The following HS2ST1 variants were observed in gnomAD, a reference collection of about 807,000 sequenced individuals.
HS2ST1 encodes 2-O-sulfotransferase.
HS2ST1 carries 18 observed loss-of-function variants against 42.9 expected under a neutral mutation model. That is an observed-to-expected ratio of 0.42 (90% CI 0.29 to 0.62). HS2ST1 has a LOEUF of 0.62. Among genes scored for constraint, HS2ST1 ranks in the 20% least tolerant of loss-of-function variants. The pLI, the probability that HS2ST1 is intolerant of heterozygous loss-of-function variation, is 0.21. For synonymous variants in HS2ST1, 146 were observed against 152.9 expected, an observed-to-expected ratio of 0.95 and a Z score of 0.33; for missense variants, 334 against 433.8, an observed-to-expected ratio of 0.77 and a Z score of 2.04.
In HS2ST1 at chr1:87,005,335, C is replaced by T. The variant is rs77555567; in HGVS notation, c.125-67599C>T. Among the ~76,000 whole-genome samples, 30 of 152,180 alleles carry T rather than the reference C, an allele frequency of 2.0e-4. No individual in the cohort carries two copies. The East Asian group carries it at 4.6e-3, about 24-fold the overall frequency. On this transcript the variant is annotated intron_variant, in intron 1 of 6. Coordinates refer to ENST00000370550, the MANE Select transcript of HS2ST1 (RefSeq NM_012262.4). Reference sequence around the variant, plus strand: ...TTCCTAAATTTTCAAATAAATCAATCCTGGTACCTTTTTAAGCAAATAAAA... The same window carrying T: ...TTCCTAAATTTTCAAATAAATCAATTCTGGTACCTTTTTAAGCAAATAAAA...
chr1:86,986,715 A>G (rs960657417), intron 1 of HS2ST1, among the ~76,000 whole-genome samples: 1 of 152,204 alleles, frequency 6.6e-6, no homozygotes, highest in African/African-American at 2.4e-5. Context: ...GAATTAGGGC[A>G]ACATTTAAAA....
chr1:86,931,213 A>G (rs1660533087), intron 1 of HS2ST1, among the ~76,000 whole-genome samples: 2 of 152,064 alleles, frequency 1.3e-5, no homozygotes, highest in Admixed American at 6.6e-5. Context: ...ATTATTTCAC[A>G]TTTATTATTC....
At chr1:87,038,417 A>G (rs1448192373) in intron 1 of HS2ST1, among the ~76,000 whole-genome samples, 4 of 152,306 alleles carry the variant, frequency 2.6e-5, no homozygotes, top group East Asian at 1.9e-4. Context: ...TATTCCAACA[A>G]GTACATTTAG....
chr1:87,060,981 T>C (rs1651106216), intron 1 of HS2ST1, among the ~76,000 whole-genome samples: 1 of 152,116 alleles, frequency 6.6e-6, no homozygotes, highest in Non-Finnish European at 1.5e-5. Context: ...ACAGATGAAG[T>C]TGTGAAAGAA....
chr1:86,924,000 GC>G (rs1409326803), intron 1 of HS2ST1, among the ~76,000 whole-genome samples: 3 of 152,150 alleles, frequency 2.0e-5, no homozygotes, highest in Admixed American at 6.5e-5. Context: ...CTGAGACAAG[GC>G]AAGTCCCTTC....
intron 1 of HS2ST1, among the ~76,000 whole-genome samples, chr1:86,955,083 G>A (rs1178676619): frequency 6.6e-6 from 1 of 152,166 alleles, no homozygotes; most frequent in African/African-American, 2.4e-5. Flanking sequence ...TATCTAGAGT[G>A]AAATGTACAA....
At chr1:87,095,082 AC>A (rs1652030440) in intron 4 of HS2ST1, among the ~76,000 whole-genome samples, 1 of 152,256 alleles carries the variant, frequency 6.6e-6, no homozygotes, top group East Asian at 1.9e-4. Context: ...TAATGCTGAT[AC>A]CCTAATGAGT....
intron 1 of HS2ST1, among the ~76,000 whole-genome samples, chr1:87,006,209 G>A (rs1296992843): frequency 6.6e-6 from 1 of 152,120 alleles, no homozygotes; most frequent in Non-Finnish European, 1.5e-5. Flanking sequence ...TTAAAATGCA[G>A]TAGTATTGCC....
intron 5 of HS2ST1, among the ~76,000 whole-genome samples, chr1:87,100,365 A>G (rs1178498398): frequency 6.6e-6 from 1 of 152,144 alleles, no homozygotes; most frequent in Non-Finnish European, 1.5e-5. Context: ...CTGAGGCTGG[A>G]ACTGGAGTGG....
At chr1:86,921,732 G>A (rs769238054) in intron 1 of HS2ST1, among the ~76,000 whole-genome samples, 6 of 152,150 alleles carry the variant, frequency 3.9e-5, no homozygotes, top group Admixed American at 3.3e-4. Flanking sequence ...TTCCAGAACT[G>A]TGAAGAAATA....
intron 1 of HS2ST1, among the ~76,000 whole-genome samples, chr1:87,017,744 G>T (rs113951444): frequency 1.3e-5 from 2 of 151,356 alleles, no homozygotes; most frequent in South Asian, 4.2e-4. Flanking sequence ...TTTTATTTTT[G>T]ATTTTTGATA....
intron 1 of HS2ST1, among the ~76,000 whole-genome samples, chr1:86,925,903 C>T (rs1660407087): frequency 6.6e-6 from 1 of 152,074 alleles, no homozygotes; most frequent in Non-Finnish European, 1.5e-5. Context: ...GCCATATTTT[C>T]TTCTTTACGT....
At chr1:87,054,012 A>G (rs1650897304) in intron 1 of HS2ST1, among the ~76,000 whole-genome samples, 1 of 152,082 alleles carries the variant, frequency 6.6e-6, no homozygotes, top group Non-Finnish European at 1.5e-5. Context: ...TCTTTAGTTC[A>G]GAACTTTCTC....
At chr1:87,036,011 C>G (rs1164319146) in intron 1 of HS2ST1, among the ~76,000 whole-genome samples, 1 of 151,082 alleles carries the variant, frequency 6.6e-6, no homozygotes, top group Admixed American at 6.6e-5. Context: ...TGTGATGTTC[C>G]CCTCCCTGTG....
In HS2ST1 at chr1:87,101,158, T is replaced by TG. The variant is rs1379031939; in HGVS notation, c.687-2274_687-2273insG. Among the ~76,000 whole-genome samples, 111 of 105,564 alleles carry TG rather than the reference T, an allele frequency of 1.1e-3. 2 individuals are homozygous for TG. Among genetic ancestry groups the TG allele is most frequent in the African/African-American group, 4.2e-3 (108 of 26,022 alleles). 69.3% of individuals were successfully genotyped at this position (105,564 alleles called of 152,430 possible). On this transcript the variant is annotated intron_variant, in intron 5 of 6. Coordinates refer to ENST00000370550, the MANE Select transcript of HS2ST1 (RefSeq NM_012262.4). ...TTGTGTGTGTGTGTGTGTTTTTTGT[T>TG]TTTTTTTTTTTTTTTTTTTTTTTTT...
chr1:87,090,964 C>G (rs546070922), intron 3 of HS2ST1, among the ~76,000 whole-genome samples: 6 of 152,004 alleles, frequency 3.9e-5, no homozygotes, highest in South Asian at 2.1e-4. Flanking sequence ...CCAAAAAACA[C>G]AATTTTGAAT....
intron 1 of HS2ST1, among the ~76,000 whole-genome samples, chr1:87,008,743 T>C (rs756660305): frequency 3.8e-4 from 58 of 152,346 alleles, no homozygotes; most frequent in Non-Finnish European, 6.0e-4. Context: ...CCCATTACAG[T>C]AAAAATTCCT....
intron 1 of HS2ST1, among the ~76,000 whole-genome samples, chr1:87,054,404 A>T (rs1220588826): frequency 2.6e-5 from 4 of 152,118 alleles, no homozygotes; most frequent in African/African-American, 9.7e-5. Flanking sequence ...AAGCATCATC[A>T]TCTCTGCTGC....
At position 86,999,089 on chromosome 1, in the gene HS2ST1, C is replaced by T. The variant is rs112853178; in HGVS notation, c.125-73845C>T. On this transcript the variant is annotated intron_variant, in intron 1 of 6. Coordinates refer to ENST00000370550, the MANE Select transcript of HS2ST1 (RefSeq NM_012262.4). Reference sequence around the variant, plus strand: ...GTGTTTTAGAAAATGTATACCACAGCATGAAAGATCAAGGTATTTTAAAAG... The same window carrying T: ...GTGTTTTAGAAAATGTATACCACAGTATGAAAGATCAAGGTATTTTAAAAG... Among the ~76,000 whole-genome samples, 156 of 152,198 alleles carry T rather than the reference C, an allele frequency of 1.0e-3. 2 individuals are homozygous for T. The highest frequency in any genetic ancestry group is 1.4e-3 in the Non-Finnish European group (95 of 67,994).
Sources: allele counts gnomAD v4.1 joint callset (sites outside exome capture counted in the v4.1 genomes callset), GRCh38; gene constraint gnomAD v4.1.1; transcripts MANE v1.5; gene names NCBI Gene and HGNC (gene_info 2026-07-23, HGNC 2026-07-21).